The following GALNT13 variants were observed in gnomAD, a reference collection of about 807,000 sequenced individuals.
GALNT13 encodes polypeptide N-acetylgalactosaminyltransferase 13.
In GALNT13, 28 loss-of-function variants were observed where a neutral mutation model predicts 64.2. The observed-to-expected ratio is 0.44, with a 90% confidence interval of 0.32 to 0.60. The LOEUF is 0.60. GALNT13 is among the 20% of genes least tolerant of loss of function. The pLI, the probability that GALNT13 is intolerant of heterozygous loss-of-function variation, is 0.05. For missense variants in GALNT13, 577 were observed against 669.8 expected, an observed-to-expected ratio of 0.86 and a Z score of 1.53; for synonymous variants, 214 against 224.6, an observed-to-expected ratio of 0.95 and a Z score of 0.42.
At chr2:154,197,383 A>G (rs1686935342) in intron 4 of GALNT13, among the ~76,000 whole-genome samples, 1 of 152,182 alleles carries the variant, frequency 6.6e-6, no homozygotes, top group Admixed American at 6.5e-5. Flanking sequence ...AAAGAAGCCT[A>G]GGGCAATGAC....
chr2:153,746,300 A>C, the GALNT13 span, among the ~76,000 whole-genome samples: 1 of 152,186 alleles, frequency 6.6e-6, no homozygotes, highest in Admixed American at 6.6e-5. Context: ...AGTTACCACT[A>C]TCCTAATTTG....
At chr2:153,794,739 T>A in the GALNT13 span, among the ~76,000 whole-genome samples, 16 of 152,260 alleles carry the variant, frequency 1.1e-4, no homozygotes, top group African/African-American at 3.6e-4. Flanking sequence ...TAGGCTAGTC[T>A]CGAACTCCTG....
At chr2:154,009,860 T>C (rs921376281) in intron 3 of GALNT13, among the ~76,000 whole-genome samples, 4 of 152,202 alleles carry the variant, frequency 2.6e-5, no homozygotes, top group African/African-American at 9.7e-5. Context: ...GTAACGCTTG[T>C]AGAAATCTTT....
the GALNT13 span, among the ~76,000 whole-genome samples, chr2:153,366,984 A>G: frequency 6.8e-6 from 1 of 146,618 alleles, no homozygotes; most frequent in Non-Finnish European, 1.5e-5. Context: ...TACTGAACAT[A>G]AAATAAAGAC....
At chr2:153,702,365 G>A in the GALNT13 span, among the ~76,000 whole-genome samples, 2 of 151,988 alleles carry the variant, frequency 1.3e-5, no homozygotes, top group Non-Finnish European at 2.9e-5. Context: ...GCAAGGGGAG[G>A]GAACCAAGAT....
the GALNT13 span, among the ~76,000 whole-genome samples, chr2:153,584,421 T>C: frequency 3.3e-5 from 5 of 152,184 alleles, no homozygotes; most frequent in African/African-American, 4.8e-5. Context: ...GCTACCTCCC[T>C]AGCCGGGTCT....
chr2:153,451,688 A>G, the GALNT13 span, among the ~76,000 whole-genome samples: 1 of 152,202 alleles, frequency 6.6e-6, no homozygotes, highest in Non-Finnish European at 1.5e-5. Context: ...ACTAAAACGG[A>G]ACTTGGGAGG....
intron 3 of GALNT13, among the ~76,000 whole-genome samples, chr2:154,021,058 A>C (rs895710742): frequency 5.9e-5 from 9 of 152,224 alleles, no homozygotes; most frequent in African/African-American, 2.2e-4. Flanking sequence ...CCATTGGTCT[A>C]TATCTCTGTT....
intron 9 of GALNT13, among the ~76,000 whole-genome samples, chr2:154,386,917 A>C (rs1698540918): frequency 6.6e-6 from 1 of 152,104 alleles, no homozygotes; most frequent in Non-Finnish European, 1.5e-5. Context: ...TTGACTGTGG[A>C]TATTAGAGTT....
chr2:153,742,697 T>C, the GALNT13 span, among the ~76,000 whole-genome samples: 19 of 152,198 alleles, frequency 1.2e-4, no homozygotes, highest in African/African-American at 4.1e-4. Flanking sequence ...TTGAGTGATT[T>C]CACTTAGGAT....
chr2:153,644,956 C>T, the GALNT13 span, among the ~76,000 whole-genome samples: 1 of 152,164 alleles, frequency 6.6e-6, no homozygotes, highest in African/African-American at 2.4e-5. Context: ...TCTGTACTTA[C>T]GGTCTTGTTT....
chr2:153,967,230 G>T (rs890510372), intron 3 of GALNT13, among the ~76,000 whole-genome samples: 3 of 152,076 alleles, frequency 2.0e-5, no homozygotes, highest in Non-Finnish European at 4.4e-5. Context: ...TTGGTCACTG[G>T]TGCCTTATTT....
chr2:153,092,513 C>T, the GALNT13 span, among the ~76,000 whole-genome samples: 1 of 152,056 alleles, frequency 6.6e-6, no homozygotes, highest in Non-Finnish European at 1.5e-5. Flanking sequence ...TCTTCAATTT[C>T]TTTCATCAGT....
intron 9 of GALNT13, among the ~76,000 whole-genome samples, chr2:154,341,659 G>A (rs1445676205): frequency 6.6e-6 from 1 of 151,984 alleles, no homozygotes; most frequent in African/African-American, 2.4e-5. Context: ...CACTAACATA[G>A]GGCTTTGTAG....
the GALNT13 span, among the ~76,000 whole-genome samples, chr2:153,495,327 A>C: frequency 3.5e-5 from 5 of 143,832 alleles, no homozygotes; most frequent in Admixed American, 1.3e-4. Flanking sequence ...ACAAACAAAC[A>C]ACAACAACAA....
Position 153,949,892 on chromosome 2 carries a change from G to A in GALNT13, c.142+5253G>A, listed in dbSNP as rs977992400. On this transcript the variant is annotated intron_variant, in intron 3 of 12. Transcript: ENST00000392825. Reference sequence around the variant, plus strand: ...GAGGCTGTTCAATAAATGGAACCGAGAATAAAGTGGCAATCCATGTGGAAA... The same window carrying A: ...GAGGCTGTTCAATAAATGGAACCGAAAATAAAGTGGCAATCCATGTGGAAA... Among the ~76,000 whole-genome samples, 3 of 152,016 alleles carry A rather than the reference G, an allele frequency of 2.0e-5. 1 individual carries two copies. The highest frequency in any genetic ancestry group is 2.0e-4 in the Admixed American group (3 of 15,228).
intron 3 of GALNT13, among the ~76,000 whole-genome samples, chr2:154,135,357 T>A (rs1227801176): frequency 6.6e-6 from 1 of 152,212 alleles, no homozygotes. Context: ...GATTATCTAA[T>A]AGATGACACC....
At chr2:153,961,063 A>G (rs1032698113) in intron 3 of GALNT13, among the ~76,000 whole-genome samples, 1 of 152,168 alleles carries the variant, frequency 6.6e-6, no homozygotes, top group African/African-American at 2.4e-5. Context: ...ATATTTTTGT[A>G]TATCAGTTAT....
At chr2:153,457,953 C>T in the GALNT13 span, among the ~76,000 whole-genome samples, 1 of 152,120 alleles carries the variant, frequency 6.6e-6, no homozygotes, top group Admixed American at 6.5e-5. Flanking sequence ...AGTACCTCAT[C>T]CCCCATACAA....
Sources: allele counts gnomAD v4.1 joint callset (sites outside exome capture counted in the v4.1 genomes callset), GRCh38; gene constraint gnomAD v4.1.1; transcripts MANE v1.5; gene names NCBI Gene and HGNC (gene_info 2026-07-23, HGNC 2026-07-21).